NELL1: variants seen among roughly 807,000 people sequenced by gnomAD.
NELL1 encodes protein kinase C-binding protein NELL1.
A neutral mutation model predicts 107.4 loss-of-function variants in NELL1; 76 were observed. The ratio of observed to expected loss-of-function variants is 0.71; its 90% CI spans 0.59 to 0.86. NELL1 has a LOEUF of 0.86. NELL1 is among the 40% of genes least tolerant of loss of function. The pLI is 0.00. For missense variants in NELL1, 1,024 were observed against 1,005.5 expected (o/e 1.02, Z -0.25); for synonymous variants, 353 against 341.2 (o/e 1.03, Z -0.38).
At position 20,786,178 on chromosome 11, in the gene NELL1, C is replaced by T. The variant is rs574218907; in HGVS notation, c.335+2348C>T. On this transcript the variant is annotated intron_variant, in intron 3 of 19. Transcript: ENST00000357134. ...CCAGCTGACCGACATGGTGAAACCC[C>T]GTCTCCACTTAAAATACAAAAATTA... Among the ~76,000 whole-genome samples, 41 of 151,614 alleles carry T rather than the reference C, an allele frequency of 2.7e-4. 1 individual carries two copies. The highest frequency in any genetic ancestry group is 2.3e-3 in the Admixed American group (35 of 15,250).
chr11:21,023,351 G>A (rs1457712154), intron 12 of NELL1, among the ~76,000 whole-genome samples: 2 of 151,964 alleles, frequency 1.3e-5, no homozygotes, highest in Non-Finnish European at 2.9e-5. Flanking sequence ...ATAGTAATGC[G>A]AAAAGAGTAC....
intron 14 of NELL1, among the ~76,000 whole-genome samples, chr11:21,354,847 T>C (rs1032980334): frequency 6.6e-6 from 1 of 152,318 alleles, no homozygotes; most frequent in East Asian, 1.9e-4. Flanking sequence ...CTGGAATTTA[T>C]CTCTTTAAAA....
intron 12 of NELL1, among the ~76,000 whole-genome samples, chr11:20,975,623 TATA>T (rs1357126424): frequency 1.4e-5 from 2 of 141,934 alleles, no homozygotes; most frequent in Non-Finnish European, 3.0e-5. Context: ...CATATGTAGA[TATA>T]ATACATATAT....
intron 19 of NELL1, 124 bp downstream of exon 19, chr11:21,573,533 T>C: frequency 1.2e-6 from 1 of 819,920 alleles, no homozygotes; most frequent in South Asian, 1.6e-5. Flanking sequence ...CTGGCATACA[T>C]TTACTTCTCA....
chr11:21,545,277 G>A (rs1172089480), intron 16 of NELL1, among the ~76,000 whole-genome samples: 1 of 151,862 alleles, frequency 6.6e-6, no homozygotes, highest in Non-Finnish European at 1.5e-5. Flanking sequence ...TTGGTTATGT[G>A]ATGTCTCAGA....
At chr11:20,701,243 A>C (rs1369708892) in intron 2 of NELL1, among the ~76,000 whole-genome samples, 1 of 151,906 alleles carries the variant, frequency 6.6e-6, no homozygotes, top group Non-Finnish European at 1.5e-5. Flanking sequence ...TTTGATTTGC[A>C]TTTCTCTGAT....
rs79715243 is a variant in NELL1 at position 21,228,500 on chromosome 11, T to C, written c.1427-832T>C. Among the ~76,000 whole-genome samples, 555 of 152,266 alleles carry C rather than the reference T, an allele frequency of 3.6e-3. 6 individuals are homozygous for C. The highest frequency in any genetic ancestry group is 0.013 in the African/African-American group (544 of 41,560). The stretch of plus-strand genomic sequence containing the variant: ...GAGGCCTCAGAGTAAATCCTTTTCC[T>C]ACTCTCAGCACAATCCTGTGCTCGC... On this transcript the variant is annotated intron_variant, in intron 13 of 19. Transcript: ENST00000357134.
intron 15 of NELL1, among the ~76,000 whole-genome samples, chr11:21,446,455 T>C (rs1184362499): frequency 4.6e-5 from 7 of 152,164 alleles, no homozygotes; most frequent in African/African-American, 1.7e-4. Flanking sequence ...GTCTTCACAG[T>C]CTGGGCTTGT....
chr11:21,512,966 A>T (rs1855475618), intron 15 of NELL1, among the ~76,000 whole-genome samples: 1 of 152,162 alleles, frequency 6.6e-6, no homozygotes, highest in Non-Finnish European at 1.5e-5. Flanking sequence ...AATACATTTG[A>T]CCATTTTGGA....
intron 15 of NELL1, among the ~76,000 whole-genome samples, chr11:21,384,233 T>C (rs1348506576): frequency 6.6e-6 from 1 of 151,904 alleles, no homozygotes; most frequent in Non-Finnish European, 1.5e-5. Context: ...ACCTAAGTTA[T>C]ATCTTGTCAT....
chr11:20,866,143 T>G (rs1008542073), intron 4 of NELL1, among the ~76,000 whole-genome samples: 2 of 152,198 alleles, frequency 1.3e-5, no homozygotes, highest in Admixed American at 6.5e-5. Flanking sequence ...TTACCATCTC[T>G]GTGATGCGCA....
At chr11:21,568,881 T>C (rs1462281867) in intron 17 of NELL1, among the ~76,000 whole-genome samples, 1 of 146,010 alleles carries the variant, frequency 6.8e-6, no homozygotes, top group African/African-American at 2.5e-5. Context: ...TTTTTTTTTT[T>C]ATAAGTAGGA....
chr11:21,031,571 GTCTT>G (rs1338948488), intron 12 of NELL1, among the ~76,000 whole-genome samples: 6 of 152,114 alleles, frequency 3.9e-5, no homozygotes, highest in African/African-American at 1.4e-4. Context: ...TATGGAACTT[GTCTT>G]TCTTTTTCCA....
intron 15 of NELL1, among the ~76,000 whole-genome samples, chr11:21,414,860 C>G (rs969813822): frequency 2.0e-5 from 3 of 152,042 alleles, no homozygotes; most frequent in Non-Finnish European, 4.4e-5. Context: ...CCCACCTTCC[C>G]TCCTCAAGCT....
intron 15 of NELL1, among the ~76,000 whole-genome samples, chr11:21,385,698 C>G (rs894462567): frequency 2.0e-5 from 3 of 151,932 alleles, no homozygotes. Context: ...CAAATGTTTT[C>G]TCTGCTGAAA....
intron 2 of NELL1, among the ~76,000 whole-genome samples, chr11:20,709,008 A>T (rs913849873): frequency 6.6e-6 from 1 of 152,102 alleles, no homozygotes; most frequent in African/African-American, 2.4e-5. Flanking sequence ...CTCCTATGAG[A>T]ATCTAATGCT....
At chr11:21,060,833 C>G (rs1009871676) in intron 12 of NELL1, among the ~76,000 whole-genome samples, 1 of 152,154 alleles carries the variant, frequency 6.6e-6, no homozygotes, top group Non-Finnish European at 1.5e-5. Context: ...TTCTGAGTAG[C>G]TGGGATTACA....
chr11:20,815,859 T>A (rs1857612414), intron 3 of NELL1, among the ~76,000 whole-genome samples: 2 of 152,306 alleles, frequency 1.3e-5, no homozygotes, highest in African/African-American at 4.8e-5. Context: ...TCCTGTGTCA[T>A]TCTTCAGCAT....
At chr11:20,847,095 T>G (rs964350852) in intron 3 of NELL1, among the ~76,000 whole-genome samples, 8 of 152,218 alleles carry the variant, frequency 5.3e-5, no homozygotes, top group Non-Finnish European at 1.2e-4. Flanking sequence ...ATTATATCTT[T>G]TTGTCTACAG....
Sources: gnomAD v4.1 joint callset for allele counts (sites outside exome capture counted in the v4.1 genomes callset) on GRCh38, gnomAD v4.1.1 for gene constraint, MANE v1.5 for transcripts, NCBI Gene and HGNC (gene_info 2026-07-23, HGNC 2026-07-21) for gene names.